Variants in GNG7 observed in about 807,000 individuals in gnomAD.
The protein encoded by GNG7 is G protein subunit gamma 7, also known as guanine nucleotide-binding protein G(I)/G(S)/G(O) subunit gamma-7.
Under a neutral mutation model 4.0 loss-of-function variants are expected in GNG7, and 1 was observed. That is an observed-to-expected ratio of 0.25 (90% CI 0.09 to 1.18). GNG7 has a LOEUF of 1.18. Ranked by LOEUF, GNG7 falls within the 50% of genes most tolerant of loss-of-function variation. The pLI, the probability that GNG7 is intolerant of heterozygous loss-of-function variation, is 0.50. For synonymous variants in GNG7, 34 were observed against 36.9 expected, an observed-to-expected ratio of 0.92 and a Z score of 0.29; for missense variants, 86 against 91.9, an observed-to-expected ratio of 0.94 and a Z score of 0.26.
At chr19:2,684,117 T>A (rs1054053441) in intron 1 of GNG7, among the ~76,000 whole-genome samples, 1 of 148,478 alleles carries the variant, frequency 6.7e-6, no homozygotes, top group African/African-American at 2.5e-5. Flanking sequence ...AGGTCAGGAG[T>A]TCGAGACCAG....
rs1221824038 is a variant in GNG7, at chr19:2,634,459, T to C, written c.-78+11765A>G. 6.6e-6 allele frequency among the ~76,000 whole-genome samples: 1 copy of C among 152,196 alleles called. No individual in the cohort carries two copies. Among genetic ancestry groups the C allele is most frequent in the Admixed American group, 6.5e-5 (1 of 15,286 alleles). The stretch of plus-strand genomic sequence containing the variant: ...GGTCAAGGTCATGTCCAAGCTCTCC[T>C]ACCGCCGGGAAGCACTGCCTTGTCC... On this transcript the variant is annotated intron_variant, in intron 2 of 4. Transcript: ENST00000382159. The surrounding 1 kb of genome is among the most constrained non-coding windows in gnomAD (Gnocchi z 5.3).
intron 3 of GNG7, among the ~76,000 whole-genome samples, chr19:2,544,507 C>G (rs776932206): frequency 1.3e-5 from 2 of 152,134 alleles, no homozygotes; most frequent in Non-Finnish European, 2.9e-5. Flanking sequence ...GCCTCAGCCT[C>G]CTGAGTAGCT....
chr19:2,578,094 TC>T (rs1980396677), intron 2 of GNG7, among the ~76,000 whole-genome samples: 1 of 151,988 alleles, frequency 6.6e-6, no homozygotes, highest in African/African-American at 2.4e-5. Context: ...CACCTTGGCC[TC>T]CCAAAGTGCT....
intron 3 of GNG7, among the ~76,000 whole-genome samples, chr19:2,525,978 T>TTTTTTTC: frequency 7.9e-6 from 1 of 126,190 alleles, no homozygotes; most frequent in East Asian, 2.3e-4. Flanking sequence ...CCAATTTTTT[T>TTTTTTTC]TTTTTTTTTT....
chr19:2,687,891 G>A (rs1983912042), intron 1 of GNG7, among the ~76,000 whole-genome samples: 1 of 150,542 alleles, frequency 6.6e-6, no homozygotes, highest in Non-Finnish European at 1.5e-5. Flanking sequence ...AGGAGAATCA[G>A]TTGAACCTGA....
intron 2 of GNG7, among the ~76,000 whole-genome samples, chr19:2,602,985 T>G (rs1203969794): frequency 6.6e-6 from 1 of 151,358 alleles, no homozygotes; most frequent in Non-Finnish European, 1.5e-5. Context: ...TCTCTCTCTT[T>G]CCTTCCTTCC....
chr19:2,556,088 G>C (rs942246053), intron 2 of GNG7, among the ~76,000 whole-genome samples: 1 of 152,208 alleles, frequency 6.6e-6, no homozygotes, highest in African/African-American at 2.4e-5. Context: ...CCCGAGGCAG[G>C]CAAAGGCCCC....
intron 2 of GNG7, among the ~76,000 whole-genome samples, chr19:2,608,521 A>T (rs984150058): frequency 1.3e-5 from 2 of 152,184 alleles, no homozygotes; most frequent in African/African-American, 4.8e-5. Context: ...ACGTGTCCCC[A>T]GATGCAGGCA....
chr19:2,615,912 G>A (rs1174629073), intron 2 of GNG7, among the ~76,000 whole-genome samples: 2 of 152,212 alleles, frequency 1.3e-5, no homozygotes, highest in Non-Finnish European at 2.9e-5. Context: ...GCCTGACACA[G>A]TGAAGGGCCT....
At chr19:2,562,029 C>G (rs1406917109) in intron 2 of GNG7, among the ~76,000 whole-genome samples, 1 of 152,016 alleles carries the variant, frequency 6.6e-6, no homozygotes, top group African/African-American at 2.4e-5. Context: ...TCTGGGAGAC[C>G]AGCGGGTAAT....
intron 2 of GNG7, among the ~76,000 whole-genome samples, chr19:2,558,055 A>T (rs546114915): frequency 1.3e-5 from 2 of 151,734 alleles, no homozygotes; most frequent in African/African-American, 2.4e-5. Context: ...GTTAGCCAGG[A>T]TGGCCTTGAT....
intron 1 of GNG7, among the ~76,000 whole-genome samples, chr19:2,654,244 C>CCA (rs1373272845): frequency 3.3e-5 from 5 of 152,278 alleles, no homozygotes; most frequent in African/African-American, 1.2e-4. Context: ...ATACCCTCCC[C>CCA]TCCCGCTTCA....
chr19:2,568,272 CATAT>C lies in GNG7; in HGVS notation c.-77-13088_-77-13085del, dbSNP rs540348092. Among the ~76,000 whole-genome samples, 379 of 147,584 alleles carry C rather than the reference CATAT, an allele frequency of 2.6e-3. 2 individuals carry two copies. Among genetic ancestry groups the C allele is most frequent in the Middle Eastern group, 7.1e-3 (2 of 282 alleles). Reference sequence around the variant, plus strand: ...ATAGACATACACACATATAGAGACACATATAGACTTACACACATATACACACGCA... The same window carrying C: ...ATAGACATACACACATATAGAGACACAGACTTACACACATATACACACGCA... On this transcript the variant is annotated intron_variant, in intron 2 of 4. Coordinates refer to ENST00000382159, the MANE Select transcript of GNG7 (RefSeq NM_052847.3).
intron 3 of GNG7, among the ~76,000 whole-genome samples, chr19:2,539,715 C>T (rs1207495809): frequency 1.3e-5 from 2 of 152,152 alleles, no homozygotes; most frequent in Non-Finnish European, 2.9e-5. Context: ...GGTGTCGTCC[C>T]TCCCCCAGCT....
chr19:2,561,897 C>T (rs1411141823), intron 2 of GNG7, among the ~76,000 whole-genome samples: 1 of 151,932 alleles, frequency 6.6e-6, no homozygotes, highest in Non-Finnish European at 1.5e-5. Flanking sequence ...AAAGAAATGA[C>T]ACTGGCTTCT....
chr19:2,568,186 C>T (rs1979989240), intron 2 of GNG7, among the ~76,000 whole-genome samples: 1 of 149,408 alleles, frequency 6.7e-6, no homozygotes, highest in Non-Finnish European at 1.5e-5. Flanking sequence ...TACACACATG[C>T]ACATACACAC....
At chr19:2,642,583 C>A (rs1230985229) in intron 2 of GNG7, 1 of 359,736 alleles carries the variant, frequency 2.8e-6, no homozygotes, top group East Asian at 7.3e-5. Flanking sequence ...CTGGGCTGGT[C>A]TCAAACTCTC....
At chr19:2,659,620 G>A (rs1983094744) in intron 1 of GNG7, among the ~76,000 whole-genome samples, 1 of 134,012 alleles carries the variant, frequency 7.5e-6, no homozygotes, top group Non-Finnish European at 1.6e-5. Context: ...AAGAGAGGAG[G>A]GGAGGGAAAG....
At chr19:2,568,542 TAC>T (rs1568247129) in intron 2 of GNG7, among the ~76,000 whole-genome samples, 3 of 147,722 alleles carry the variant, frequency 2.0e-5, no homozygotes, top group Non-Finnish European at 3.0e-5. Context: ...TATACACACA[TAC>T]ACATATATAT....
Sources: allele counts gnomAD v4.1 joint callset (sites outside exome capture counted in the v4.1 genomes callset), GRCh38; gene constraint gnomAD v4.1.1; non-coding constraint Gnocchi (gnomAD v3.1); transcripts MANE v1.5; gene names NCBI Gene and HGNC (gene_info 2026-07-23, HGNC 2026-07-21).